Variants in GLCE observed in about 807,000 individuals in gnomAD.
GLCE encodes the protein D-glucuronyl C5-epimerase.
GLCE carries 19 observed loss-of-function variants against 47.9 expected under a neutral mutation model. The ratio of observed to expected loss-of-function variants is 0.40; its 90% confidence interval spans 0.28 to 0.58. The LOEUF is 0.58. Among genes scored for constraint, GLCE ranks in the 20% least tolerant of loss-of-function variants. GLCE has a pLI of 0.48. For missense variants in GLCE, 556 were observed against 743.3 expected (o/e 0.75, Z 2.93); for synonymous variants, 245 against 263.4 (o/e 0.93, Z 0.68).
At chr15:69,209,943 G>A (rs117556815) in intron 1 of GLCE, among the ~76,000 whole-genome samples, 4,038 of 152,076 alleles carry the variant, frequency 0.027, 73 homozygotes, top group Non-Finnish European at 0.042. Context: ...GTGATGGGTG[G>A]CTGGGCTTGA....
At position 69,206,011 on chromosome 15, in the gene GLCE, A is replaced by G. The variant is rs188206074; in HGVS notation, c.-104-4305A>G. ...CTACCAACCAAACTCCAGATTCCAAATTGAGATTTTGCCAGATTTTCCACT... is the reference window on the plus strand; with the variant it reads ...CTACCAACCAAACTCCAGATTCCAAGTTGAGATTTTGCCAGATTTTCCACT... On this transcript the variant is annotated intron_variant, in intron 1 of 4. Coordinates refer to ENST00000261858, the MANE Select transcript of GLCE (RefSeq NM_015554.3). Among the ~76,000 whole-genome samples, 4 of 152,204 alleles carry G rather than the reference A, an allele frequency of 2.6e-5. No individual in the cohort carries two copies. In the East Asian group the frequency reaches 7.7e-4, roughly 29 times the overall value.
intron 1 of GLCE, among the ~76,000 whole-genome samples, 181 bp from the exon 2 acceptor site, chr15:69,210,135 A>T (rs949874536): frequency 6.6e-6 from 1 of 152,104 alleles, no homozygotes; most frequent in South Asian, 2.1e-4. Flanking sequence ...TGGTTGCTTC[A>T]GTGGTACATC....
At chr15:69,244,120 C>T (rs2052715221) in intron 2 of GLCE, among the ~76,000 whole-genome samples, 4 of 152,262 alleles carry the variant, frequency 2.6e-5, no homozygotes, top group Non-Finnish European at 4.4e-5. Flanking sequence ...ATAATTATGA[C>T]AGAAATAAGG....
intron 2 of GLCE, among the ~76,000 whole-genome samples, chr15:69,226,143 G>A (rs542190197): frequency 3.3e-5 from 5 of 152,018 alleles, no homozygotes; most frequent in Admixed American, 2.0e-4. Flanking sequence ...GGATCATGGC[G>A]TTTTCTGTAA....
chr15:69,256,519 A>G, intron 3 of GLCE, 127 bp downstream of exon 3: 1 of 705,338 alleles, frequency 1.4e-6, no homozygotes, highest in Non-Finnish European at 2.4e-6. Context: ...CTAATTTAGC[A>G]GGGAGGAACA....
intron 2 of GLCE, among the ~76,000 whole-genome samples, chr15:69,251,845 T>C (rs959624053): frequency 6.6e-6 from 1 of 152,222 alleles, no homozygotes; most frequent in East Asian, 1.9e-4. Flanking sequence ...TTTGCCATGA[T>C]GTTATATATT....
chr15:69,176,675 G>C (rs1301965140), intron 1 of GLCE, among the ~76,000 whole-genome samples: 1 of 152,140 alleles, frequency 6.6e-6, no homozygotes, highest in Non-Finnish European at 1.5e-5. Context: ...AGGCTCTTAA[G>C]TTGTCTTATC....
chr15:69,177,560 A>G (rs917483218), intron 1 of GLCE, among the ~76,000 whole-genome samples: 1 of 152,172 alleles, frequency 6.6e-6, no homozygotes, highest in African/African-American at 2.4e-5. Flanking sequence ...TCATTACCAC[A>G]TTCAAAATAG....
intron 1 of GLCE, among the ~76,000 whole-genome samples, chr15:69,170,244 G>A (rs2051570070): frequency 6.6e-6 from 1 of 152,010 alleles, no homozygotes; most frequent in Admixed American, 6.6e-5. Flanking sequence ...ATTGTAAATT[G>A]TTTCATAAAC....
At chr15:69,206,172 A>G (rs567362264) in intron 1 of GLCE, among the ~76,000 whole-genome samples, 3 of 152,054 alleles carry the variant, frequency 2.0e-5, no homozygotes, top group Non-Finnish European at 4.4e-5. Flanking sequence ...TACTAGTACC[A>G]GTCAGATATT....
intron 1 of GLCE, among the ~76,000 whole-genome samples, chr15:69,182,204 G>T (rs2051758270): frequency 6.6e-6 from 1 of 151,746 alleles, no homozygotes; most frequent in African/African-American, 2.4e-5. Context: ...TCAGCATTAA[G>T]GAAACTCATT....
Position 69,255,928 on chromosome 15 carries a change from G to A in GLCE, c.122G>A (p.Arg41Gln), listed in dbSNP as rs756061835. The A allele has an allele frequency of 6.8e-6, 11 of 1,613,836 alleles. No homozygotes were observed. The highest frequency in any genetic ancestry group is 1.6e-4 in the Middle Eastern group (1 of 6,084). The change falls in exon 3 of 5, where the codon CGG becomes CAG. Residue 41 changes from arginine (R) to glutamine (Q), a missense_variant. Transcript: ENST00000261858. ...AGTGACAAAGCAATCCAGTTTCCACGGCGTTCGAGTAGTGGCTTCAGAGTG... is the reference window on the plus strand; with the variant it reads ...AGTGACAAAGCAATCCAGTTTCCACAGCGTTCGAGTAGTGGCTTCAGAGTG... ...CSSDKAIQFPRRSSSGFRVDG... is the reference protein window; with the variant it reads ...CSSDKAIQFPQRSSSGFRVDG...
intron 2 of GLCE, among the ~76,000 whole-genome samples, chr15:69,229,846 A>G (rs2052497431): frequency 6.6e-6 from 1 of 151,288 alleles, no homozygotes; most frequent in Non-Finnish European, 1.5e-5. Context: ...ATCTAATTTG[A>G]TTTAAAAAAA....
At chr15:69,248,914 T>C (rs1268154623) in intron 2 of GLCE, among the ~76,000 whole-genome samples, 1 of 152,172 alleles carries the variant, frequency 6.6e-6, no homozygotes, top group Non-Finnish European at 1.5e-5. Flanking sequence ...TTTCTAAGTA[T>C]TGGGGATACA....
At chr15:69,241,196 C>T (rs77991795) in intron 2 of GLCE, among the ~76,000 whole-genome samples, 11 of 152,274 alleles carry the variant, frequency 7.2e-5, no homozygotes, top group African/African-American at 1.7e-4. Flanking sequence ...CATTAAACAT[C>T]GGCTTGTTCT....
intron 1 of GLCE, among the ~76,000 whole-genome samples, chr15:69,179,163 G>T (rs950981446): frequency 6.6e-6 from 1 of 152,168 alleles, no homozygotes; most frequent in Non-Finnish European, 1.5e-5. Flanking sequence ...TCTGAAGAGG[G>T]ACTAAAAGAA....
intron 1 of GLCE, among the ~76,000 whole-genome samples, chr15:69,182,298 T>TGTGTGTGTGAGAGAGA (rs1446237319): frequency 9.6e-5 from 14 of 145,718 alleles, no homozygotes; most frequent in African/African-American, 3.3e-4. Context: ...TGTGTGTGTG[T>TGTGTGTGTGAGAGAGA]GAGAGAGAGA....
At chr15:69,164,878 T>TGTCCTTA (rs2088596724) in intron 1 of GLCE, among the ~76,000 whole-genome samples, 1 of 152,216 alleles carries the variant, frequency 6.6e-6, no homozygotes, top group Admixed American at 6.5e-5. Context: ...TATAATAATA[T>TGTCCTTA]GTCCTTACTT....
chr15:69,171,587 G>A (rs2051589907), intron 1 of GLCE, among the ~76,000 whole-genome samples: 1 of 151,706 alleles, frequency 6.6e-6, no homozygotes, highest in South Asian at 2.1e-4. Flanking sequence ...TAGTAGAGAC[G>A]GGGTTTCATT....
Sources: allele counts gnomAD v4.1 joint callset (sites outside exome capture counted in the v4.1 genomes callset), GRCh38; gene constraint gnomAD v4.1.1; transcripts MANE v1.5; gene names NCBI Gene and HGNC (gene_info 2026-07-23, HGNC 2026-07-21).